Variants in UCK2 observed in about 807,000 individuals in gnomAD.
UCK2 encodes the protein uridine-cytidine kinase 2.
In UCK2, 6 loss-of-function variants were observed where a neutral mutation model predicts 30.8. That is an observed-to-expected ratio of 0.19 (90% CI 0.11 to 0.38). The LOEUF (loss-of-function observed/expected upper bound fraction) is 0.38, where lower values mean the gene tolerates loss of function less well. UCK2 is among the 10% of genes least tolerant of loss of function. UCK2 has a pLI of 1.00. For missense variants in UCK2, 210 were observed against 339.8 expected (o/e 0.62, Z 3.00); for synonymous variants, 125 against 133.6 (o/e 0.94, Z 0.45).
intron 1 of UCK2, among the ~76,000 whole-genome samples, chr1:165,833,040 G>A (rs533536598): frequency 6.6e-6 from 1 of 152,160 alleles, no homozygotes; most frequent in Non-Finnish European, 1.5e-5. Flanking sequence ...TGCCACCTCA[G>A]TGCAGCTTGG....
intron 1 of UCK2, among the ~76,000 whole-genome samples, chr1:165,852,729 T>A (rs1654628812): frequency 6.6e-6 from 1 of 152,210 alleles, no homozygotes; most frequent in African/African-American, 2.4e-5. Context: ...CATCTATCCT[T>A]CCTTATATAA....
chr1:165,861,787 A>G (rs1459198073), intron 1 of UCK2, among the ~76,000 whole-genome samples: 2 of 152,202 alleles, frequency 1.3e-5, no homozygotes, highest in African/African-American at 2.4e-5. Flanking sequence ...ACCTTGTCCA[A>G]GGTCAGACAG....
chr1:165,851,914 A>G lies in UCK2; in HGVS notation c.99+23982A>G, dbSNP rs146979411. ...AGCTTCACCCATGTCCCTGCAAAGG[A>G]CATGATCTTTATGGCTGCATAGTGT... is the stretch of plus-strand genomic sequence containing the variant. On this transcript the variant is annotated intron_variant, in intron 1 of 6. Transcript: ENST00000367879. Among the ~76,000 whole-genome samples the G allele has an allele frequency of 3.7e-4, 57 of 152,312 alleles. 1 individual carries two copies. The highest frequency in any genetic ancestry group is 1.3e-3 in the African/African-American group (55 of 41,560).
intron 1 of UCK2, among the ~76,000 whole-genome samples, chr1:165,851,893 T>A (rs1301717307): frequency 6.6e-6 from 1 of 152,170 alleles, no homozygotes; most frequent in Non-Finnish European, 1.5e-5. Context: ...GCTTCCAGCT[T>A]CACCCATGTC....
intron 1 of UCK2, among the ~76,000 whole-genome samples, chr1:165,871,901 A>G (rs2101871099): frequency 6.6e-6 from 1 of 152,334 alleles, no homozygotes; most frequent in East Asian, 1.9e-4. Context: ...CAGTTTCCTT[A>G]ATATATAAAG....
intron 1 of UCK2, among the ~76,000 whole-genome samples, chr1:165,829,111 T>C (rs543105189): frequency 2.0e-5 from 3 of 152,248 alleles, no homozygotes; most frequent in East Asian, 3.9e-4. Flanking sequence ...TGGACTACTT[T>C]AGCGCAAGGA....
At chr1:165,870,261 G>A (rs1484559866) in intron 1 of UCK2, among the ~76,000 whole-genome samples, 1 of 146,890 alleles carries the variant, frequency 6.8e-6, no homozygotes, top group Non-Finnish European at 1.5e-5. Flanking sequence ...TTAGCTGGAC[G>A]ATAATTTTAA....
In UCK2 at chr1:165,908,053, C is replaced by T; in HGVS notation, c.*230C>T. On this transcript the variant is annotated 3_prime_UTR_variant, in exon 7 of 7. Transcript: ENST00000367879. ...ACTGTGCCAACTACTACTGGTGATG[C>T]CTAATTATGAATCCAACGTGTAACC... The T allele has an allele frequency of 4.1e-6, 2 of 486,564 alleles. No homozygotes were observed. The highest frequency in any genetic ancestry group is 6.9e-5 in the East Asian group (2 of 28,854). The allele number at this position is 486,564 out of a possible 1,614,324, so 30.1% of individuals were successfully genotyped here.
At chr1:165,906,062 C>A in intron 6 of UCK2, 93 bp downstream of exon 6, 1 of 1,196,028 alleles carries the variant, frequency 8.4e-7, no homozygotes, top group East Asian at 2.4e-5. Context: ...CAGGGCTCTG[C>A]AGACATGGCT....
At chr1:165,830,583 C>T (rs1218041120) in intron 1 of UCK2, among the ~76,000 whole-genome samples, 1 of 151,736 alleles carries the variant, frequency 6.6e-6, no homozygotes, top group Non-Finnish European at 1.5e-5. Context: ...CCTCGGCCTC[C>T]CAAAGTGCTG....
At chr1:165,847,738 A>G (rs1359590577) in intron 1 of UCK2, among the ~76,000 whole-genome samples, 4 of 152,132 alleles carry the variant, frequency 2.6e-5, no homozygotes, top group Non-Finnish European at 2.9e-5. Flanking sequence ...CTCATCCTTC[A>G]GAGTAGCTAG....
At chr1:165,890,881 A>C in intron 2 of UCK2, 1 of 287,228 alleles carries the variant, frequency 3.5e-6, no homozygotes, top group Admixed American at 4.8e-5. Context: ...TATTGTGTGT[A>C]CTCCCCCAGT....
intron 1 of UCK2, among the ~76,000 whole-genome samples, chr1:165,853,785 A>G (rs532456639): frequency 1.2e-4 from 19 of 152,124 alleles, no homozygotes; most frequent in Admixed American, 2.6e-4. Context: ...CTGTAATTCT[A>G]TCTCCCTTCT....
intron 1 of UCK2, among the ~76,000 whole-genome samples, chr1:165,828,833 C>G (rs1432666586): frequency 6.6e-6 from 1 of 152,196 alleles, no homozygotes; most frequent in South Asian, 2.1e-4. Context: ...TTCTTTGCTC[C>G]CCTAACAGCC....
At position 165,870,659 on chromosome 1, in the gene UCK2, G is replaced by A. The variant is rs189137590; in HGVS notation, c.100-19545G>A. ...GAGCTTCCCTGAGGGAACTTTCTGT[G>A]TACTGTTTCCTAGAAATCTGTAGGA... On this transcript the variant is annotated intron_variant, in intron 1 of 6. Transcript: ENST00000367879. Among the ~76,000 whole-genome samples the A allele has an allele frequency of 9.8e-5, 15 of 152,346 alleles. No homozygotes were observed. The East Asian group carries it at 2.9e-3, about 29-fold the overall frequency.
intron 1 of UCK2, among the ~76,000 whole-genome samples, chr1:165,830,447 C>G (rs1442384650): frequency 4.6e-5 from 7 of 152,112 alleles, no homozygotes; most frequent in Middle Eastern, 3.4e-3. Flanking sequence ...GCCTCAGCCT[C>G]CCAAGTAGCT....
At chr1:165,831,980 G>A (rs1047356776) in intron 1 of UCK2, among the ~76,000 whole-genome samples, 5 of 152,122 alleles carry the variant, frequency 3.3e-5, no homozygotes, top group Non-Finnish European at 4.4e-5. Flanking sequence ...TGTTGGCCGG[G>A]CTGGTCTCGA....
At chr1:165,890,570 A>G (rs1002566587) in intron 2 of UCK2, among the ~76,000 whole-genome samples, 1 of 152,236 alleles carries the variant, frequency 6.6e-6, no homozygotes, top group African/African-American at 2.4e-5. Flanking sequence ...GGCTCATTAA[A>G]TACTGATTGA....
intron 1 of UCK2, among the ~76,000 whole-genome samples, chr1:165,863,483 A>G (rs574272301): frequency 6.6e-6 from 1 of 152,362 alleles, no homozygotes; most frequent in African/African-American, 2.4e-5. Flanking sequence ...ATTAGAAGCT[A>G]TGCTGGGAAC....
Sources: allele counts gnomAD v4.1 joint callset (sites outside exome capture counted in the v4.1 genomes callset), GRCh38; gene constraint gnomAD v4.1.1; transcripts MANE v1.5; gene names NCBI Gene and HGNC (gene_info 2026-07-23, HGNC 2026-07-21).